The following TENM4 variants were observed in gnomAD, a reference collection of about 807,000 sequenced individuals.
TENM4 encodes teneurin-4.
In TENM4, 82 loss-of-function variants were observed where a neutral mutation model predicts 243.3. The observed-to-expected ratio is 0.34, with a 90% CI of 0.28 to 0.40. The LOEUF is 0.40. TENM4 is among the 10% of genes least tolerant of loss of function. The pLI is 1.00. For missense variants in TENM4, 3,138 were observed against 3,673.3 expected, an observed-to-expected ratio of 0.85 and a Z score of 3.77; for synonymous variants, 1,412 against 1,456.3, an observed-to-expected ratio of 0.97 and a Z score of 0.69.
At chr11:79,345,892 G>A (rs1006530836) in intron 1 of TENM4, among the ~76,000 whole-genome samples, 1 of 152,214 alleles carries the variant, frequency 6.6e-6, no homozygotes, top group Non-Finnish European at 1.5e-5. Flanking sequence ...GCTTGGAGAT[G>A]AGACCCTTAC....
In TENM4 at chr11:79,072,605, A is replaced by G. The variant is rs561826306; in HGVS notation, c.-65-2596T>C. ...AAAGATTCACAAAAGTTATTGCATG[A>G]TGAGAAATGCACTCTGATATGTTCT... On this transcript the variant is annotated intron_variant, in intron 4 of 33. Transcript: ENST00000278550. 2.6e-5 allele frequency among the ~76,000 whole-genome samples: 4 copies of G among 152,338 alleles called. No individual in the cohort carries two copies. The South Asian group carries it at 8.3e-4, about 32-fold the overall frequency.
intron 2 of TENM4, among the ~76,000 whole-genome samples, chr11:79,221,687 C>A (rs987664518): frequency 2.0e-5 from 3 of 152,000 alleles, no homozygotes; most frequent in Non-Finnish European, 4.4e-5. Context: ...AGCCACACAG[C>A]GTAATGGAAT....
chr11:78,715,062 A>G (rs1859491653), intron 25 of TENM4, among the ~76,000 whole-genome samples: 1 of 152,158 alleles, frequency 6.6e-6, no homozygotes, highest in Non-Finnish European at 1.5e-5. Flanking sequence ...TGGCATGTCT[A>G]TTTTTAGATT....
At chr11:79,110,341 A>G (rs1861476531) in intron 4 of TENM4, among the ~76,000 whole-genome samples, 1 of 152,132 alleles carries the variant, frequency 6.6e-6, no homozygotes, top group Admixed American at 6.5e-5. Flanking sequence ...CCCCCTCCCT[A>G]GCCACCCTGA....
intron 2 of TENM4, among the ~76,000 whole-genome samples, chr11:79,259,187 G>A (rs991857308): frequency 1.3e-5 from 2 of 152,212 alleles, no homozygotes; most frequent in East Asian, 3.9e-4. Flanking sequence ...ATGTACCTAC[G>A]CAGACTACTT....
At chr11:78,891,379 T>A in intron 7 of TENM4, 43 bp from the exon 8 acceptor site, 1 of 1,508,950 alleles carries the variant, frequency 6.6e-7, no homozygotes, top group Non-Finnish European at 9.0e-7. Context: ...GAGTCATGCA[T>A]TGATGAAGGG....
At position 78,786,856 on chromosome 11, in the gene TENM4, T is replaced by C. The variant is rs778996477; in HGVS notation, c.2365+42A>G. The C allele has an allele frequency of 3.4e-5, 54 of 1,570,242 alleles. No homozygotes were observed. In the African/African-American group the frequency reaches 6.2e-4, roughly 18 times the overall value. Reference sequence around the variant, plus strand: ...AATGCCCCAACAGACAAAGATGTCCTGCAGACCAGAGAAGGTACCCGGGGA... The same window carrying C: ...AATGCCCCAACAGACAAAGATGTCCCGCAGACCAGAGAAGGTACCCGGGGA... On this transcript the variant is annotated intron_variant, in intron 16 of 33. Coordinates refer to ENST00000278550, the MANE Select transcript of TENM4 (RefSeq NM_001098816.3).
intron 29 of TENM4, among the ~76,000 whole-genome samples, chr11:78,677,792 C>G (rs900824495): frequency 6.8e-6 from 1 of 148,068 alleles, no homozygotes; most frequent in African/African-American, 2.5e-5. Flanking sequence ...TTTTATTATA[C>G]TCTAAGTTTT....
intron 7 of TENM4, among the ~76,000 whole-genome samples, chr11:78,902,813 G>T (rs527786697): frequency 2.4e-4 from 36 of 152,294 alleles, no homozygotes; most frequent in African/African-American, 8.4e-4. Flanking sequence ...AGGCCAGGCA[G>T]GTCTGACACT....
At chr11:79,369,419 C>A (rs1442264111) in intron 1 of TENM4, among the ~76,000 whole-genome samples, 1 of 151,492 alleles carries the variant, frequency 6.6e-6, no homozygotes. Context: ...CTTTTTTTTT[C>A]TTTTGCATTT....
chr11:78,965,159 C>T (rs1016014138), intron 6 of TENM4, among the ~76,000 whole-genome samples: 2 of 152,148 alleles, frequency 1.3e-5, no homozygotes, highest in Admixed American at 1.3e-4. Flanking sequence ...TGAGCCACCA[C>T]GCCCGGCCCC....
At chr11:79,276,592 C>T (rs1342135647) in intron 2 of TENM4, among the ~76,000 whole-genome samples, 1 of 152,176 alleles carries the variant, frequency 6.6e-6, no homozygotes. Context: ...TTATCCAAGG[C>T]CTCTCCAGGA....
intron 3 of TENM4, among the ~76,000 whole-genome samples, chr11:79,166,095 T>C (rs1357381431): frequency 6.6e-6 from 1 of 152,162 alleles, no homozygotes; most frequent in East Asian, 1.9e-4. Context: ...CAGAGCAGGT[T>C]CTACTGCATG....
chr11:78,824,286 G>C (rs1005843080), intron 12 of TENM4, among the ~76,000 whole-genome samples: 16 of 152,170 alleles, frequency 1.1e-4, no homozygotes, highest in Admixed American at 4.6e-4. Context: ...TGGAAGCTTA[G>C]AGGCATGGTG....
intron 2 of TENM4, among the ~76,000 whole-genome samples, chr11:79,281,670 C>T (rs1420737733): frequency 2.0e-5 from 3 of 152,146 alleles, no homozygotes; most frequent in Non-Finnish European, 4.4e-5. Context: ...GATGACAAGT[C>T]CCCAGGAGGC....
chr11:79,050,537 A>C (rs1348622484), intron 6 of TENM4, among the ~76,000 whole-genome samples: 1 of 152,212 alleles, frequency 6.6e-6, no homozygotes, highest in Non-Finnish European at 1.5e-5. Context: ...CACACCCATG[A>C]GGGCTCTTCT....
At chr11:79,157,676 A>G (rs878893832) in intron 3 of TENM4, among the ~76,000 whole-genome samples, 3 of 151,854 alleles carry the variant, frequency 2.0e-5, no homozygotes, top group Admixed American at 2.0e-4. Context: ...TGATCTCCAC[A>G]CTTCTACTCC....
At chr11:78,997,442 GA>G (rs1235967877) in intron 6 of TENM4, among the ~76,000 whole-genome samples, 1 of 152,132 alleles carries the variant, frequency 6.6e-6, no homozygotes, top group Non-Finnish European at 1.5e-5. Context: ...AAGAAAGTTG[GA>G]AAAAATAAAA....
intron 18 of TENM4, among the ~76,000 whole-genome samples, chr11:78,764,483 G>A (rs149122440): frequency 5.3e-5 from 8 of 152,356 alleles, no homozygotes; most frequent in African/African-American, 1.9e-4. Context: ...ACAGTGCTTT[G>A]CACACAGTAA....
Sources: allele counts gnomAD v4.1 joint callset (sites outside exome capture counted in the v4.1 genomes callset), GRCh38; gene constraint gnomAD v4.1.1; transcripts MANE v1.5; gene names NCBI Gene and HGNC (gene_info 2026-07-23, HGNC 2026-07-21).